Variants in ARID5B observed in about 807,000 individuals in gnomAD.
The protein encoded by ARID5B is AT-rich interaction domain 5B.
Under a neutral mutation model 97.2 loss-of-function variants are expected in ARID5B, and 13 were observed. The ratio of observed to expected loss-of-function variants is 0.13; its 90% CI spans 0.09 to 0.21. The LOEUF is 0.21. Ranked by LOEUF, ARID5B falls within the 10% of genes least tolerant of loss-of-function variation. The pLI is 1.00. For missense variants in ARID5B, 1,210 were observed against 1,465.3 expected, an observed-to-expected ratio of 0.83 and a Z score of 2.84; for synonymous variants, 556 against 570.3, an observed-to-expected ratio of 0.97 and a Z score of 0.36.
chr10:61,994,212 C>T (rs576022299), intron 3 of ARID5B, among the ~76,000 whole-genome samples: 1 of 152,028 alleles, frequency 6.6e-6, no homozygotes, highest in South Asian at 2.1e-4. Context: ...ATATTTTTTC[C>T]ACTAGGCTCT....
intron 7 of ARID5B, among the ~76,000 whole-genome samples, chr10:62,062,159 G>A (rs1302287611): frequency 2.6e-5 from 4 of 152,190 alleles, no homozygotes; most frequent in Non-Finnish European, 5.9e-5. Context: ...TTTGAAGTCA[G>A]TCCAGGAGAT....
At chr10:62,054,898 A>C (rs1839835215) in intron 5 of ARID5B, among the ~76,000 whole-genome samples, 1 of 152,212 alleles carries the variant, frequency 6.6e-6, no homozygotes, top group South Asian at 2.1e-4. Context: ...ACTAAGCTCT[A>C]GTTTCCTCAA....
At chr10:61,915,465 T>TG (rs1179552956) in intron 2 of ARID5B, among the ~76,000 whole-genome samples, 1 of 152,152 alleles carries the variant, frequency 6.6e-6, no homozygotes. Context: ...TAAAGGGATC[T>TG]GGGGGTGAAG....
rs111878106 is a variant in ARID5B at position 62,012,690 on chromosome 10, G to A, written c.733+12369G>A. On this transcript the variant is annotated intron_variant, in intron 4 of 9. Transcript: ENST00000279873. ...CATCCGCCATCTCATCAGTGTTATC[G>A]ATTTCCCTCCAGTCTTTTTCAAAAG... is the stretch of plus-strand genomic sequence containing the variant. Among the ~76,000 whole-genome samples the A allele has an allele frequency of 1.3e-4, 20 of 152,204 alleles. 1 individual carries two copies. The highest frequency in any genetic ancestry group is 4.1e-4 in the African/African-American group (17 of 41,532).
At chr10:61,934,918 C>G (rs1010872813) in intron 2 of ARID5B, among the ~76,000 whole-genome samples, 2 of 150,938 alleles carry the variant, frequency 1.3e-5, no homozygotes, top group Non-Finnish European at 2.9e-5. Context: ...GAGGCTGAGG[C>G]AAGAGAATTG....
At chr10:61,910,103 T>A (rs1276684896) in intron 2 of ARID5B, among the ~76,000 whole-genome samples, 1 of 152,210 alleles carries the variant, frequency 6.6e-6, no homozygotes, top group Non-Finnish European at 1.5e-5. Flanking sequence ...TGATAGTGCC[T>A]CACAATTGTA....
intron 7 of ARID5B, among the ~76,000 whole-genome samples, chr10:62,064,904 G>C (rs1254431033): frequency 6.6e-6 from 1 of 152,060 alleles, no homozygotes; most frequent in Non-Finnish European, 1.5e-5. Flanking sequence ...CTCCTGAGTA[G>C]CTGGGATTAC....
chr10:61,977,618 G>A (rs1477151481), intron 3 of ARID5B, among the ~76,000 whole-genome samples: 1 of 152,344 alleles, frequency 6.6e-6, no homozygotes, highest in East Asian at 1.9e-4. Flanking sequence ...GTGATGCTGA[G>A]CATTTTTTCA....
chr10:61,965,621 T>A (rs943956494), intron 3 of ARID5B, among the ~76,000 whole-genome samples: 23 of 152,184 alleles, frequency 1.5e-4, no homozygotes, highest in East Asian at 5.8e-4. Context: ...AGAAAAAAAA[T>A]TTTTTTCTAT....
At chr10:61,943,741 T>TAA (rs201615059) in intron 3 of ARID5B, among the ~76,000 whole-genome samples, 10 of 143,930 alleles carry the variant, frequency 6.9e-5, no homozygotes, top group African/African-American at 2.5e-4. Context: ...CTCTGAATAG[T>TAA]AAAAAAAAAA....
At chr10:61,937,312 C>T (rs921946087) in intron 2 of ARID5B, among the ~76,000 whole-genome samples, 1 of 151,952 alleles carries the variant, frequency 6.6e-6, no homozygotes, top group Non-Finnish European at 1.5e-5. Flanking sequence ...CCTAAAGTTT[C>T]CCAAGTTTTA....
chr10:62,049,746 T>C (rs1421562979), intron 4 of ARID5B, among the ~76,000 whole-genome samples: 2 of 152,200 alleles, frequency 1.3e-5, no homozygotes, highest in Non-Finnish European at 2.9e-5. Context: ...GTAGGATTAA[T>C]TGTGTTTGTA....
intron 3 of ARID5B, among the ~76,000 whole-genome samples, chr10:61,958,241 C>T (rs1304516001): frequency 1.3e-5 from 2 of 152,042 alleles, no homozygotes; most frequent in African/African-American, 4.8e-5. Context: ...GGCATTGTGA[C>T]CTCTTTTTCT....
intron 3 of ARID5B, among the ~76,000 whole-genome samples, chr10:61,988,957 T>C (rs1335280533): frequency 9.1e-6 from 1 of 110,432 alleles, no homozygotes; most frequent in Non-Finnish European, 1.9e-5. Context: ...TTTTTTTGAG[T>C]CTTGCACTGT....
intron 2 of ARID5B, among the ~76,000 whole-genome samples, chr10:61,926,506 G>A (rs1844108154): frequency 6.6e-6 from 1 of 152,300 alleles, no homozygotes; most frequent in South Asian, 2.1e-4. Context: ...TAGTGTCTGT[G>A]TCAAGTAAAG....
At chr10:62,026,551 A>G (rs1271444100) in intron 4 of ARID5B, among the ~76,000 whole-genome samples, 1 of 152,238 alleles carries the variant, frequency 6.6e-6, no homozygotes, top group Non-Finnish European at 1.5e-5. Flanking sequence ...GATTCCGTAG[A>G]TAAAGGAATA....
intron 3 of ARID5B, among the ~76,000 whole-genome samples, chr10:61,980,154 A>G (rs1420735523): frequency 2.6e-5 from 4 of 152,142 alleles, no homozygotes; most frequent in South Asian, 2.1e-4. Context: ...CTGTGTACCA[A>G]TGTAGTCCTA....
chr10:62,013,794 G>GTATATATATATATATATATATA (rs60930079), intron 4 of ARID5B, among the ~76,000 whole-genome samples: 6 of 138,940 alleles, frequency 4.3e-5, no homozygotes, highest in South Asian at 4.9e-4. Context: ...ATTCCATTGG[G>GTATATATATATATATATATATA]TATATATATA....
At chr10:62,069,298 A>G (rs182180434) in intron 7 of ARID5B, among the ~76,000 whole-genome samples, 15 of 152,374 alleles carry the variant, frequency 9.8e-5, no homozygotes, top group Admixed American at 3.9e-4. Context: ...CACATGCCTC[A>G]GGCAATGTTA....
Sources: allele counts gnomAD v4.1 joint callset (sites outside exome capture counted in the v4.1 genomes callset), GRCh38; gene constraint gnomAD v4.1.1; transcripts MANE v1.5; gene names NCBI Gene and HGNC (gene_info 2026-07-23, HGNC 2026-07-21).